SLC22A3: variants seen among roughly 807,000 people sequenced by gnomAD.
SLC22A3 encodes EMT organic cation transporter 3.
SLC22A3 carries 51 observed loss-of-function variants against 59.1 expected under a neutral mutation model. That is an observed-to-expected ratio of 0.86 (90% CI 0.69 to 1.09). The LOEUF is 1.09. SLC22A3 is among the 50% of genes least tolerant of loss of function. The pLI, the probability that SLC22A3 is intolerant of heterozygous loss-of-function variation, is 0.00. For synonymous variants in SLC22A3, 325 were observed against 292.0 expected (o/e 1.11, Z -1.15); for missense variants, 711 against 726.3 (o/e 0.98, Z 0.24).
intron 5 of SLC22A3, among the ~76,000 whole-genome samples, chr6:160,435,391 A>G (rs1278183089): frequency 6.6e-6 from 1 of 152,230 alleles, no homozygotes; most frequent in Non-Finnish European, 1.5e-5. Flanking sequence ...GACACCTTCC[A>G]ATTAAGAGAT....
intron 1 of SLC22A3, among the ~76,000 whole-genome samples, chr6:160,358,425 T>C (rs1784910214): frequency 6.6e-6 from 1 of 152,118 alleles, no homozygotes; most frequent in Non-Finnish European, 1.5e-5. Context: ...TTCAGGCAAA[T>C]GGCAAGCCCC....
At chr6:160,362,527 G>A (rs1785049031) in intron 1 of SLC22A3, among the ~76,000 whole-genome samples, 1 of 152,190 alleles carries the variant, frequency 6.6e-6, no homozygotes. Context: ...GTATGGTAGT[G>A]TCTCCATGTG....
chr6:160,434,679 T>C (rs996750155), intron 5 of SLC22A3, among the ~76,000 whole-genome samples: 1 of 152,184 alleles, frequency 6.6e-6, no homozygotes, highest in African/African-American at 2.4e-5. Context: ...GGAGTTCCTA[T>C]CTTTCACTTT....
intron 1 of SLC22A3, among the ~76,000 whole-genome samples, chr6:160,370,374 C>A (rs1207658843): frequency 6.6e-6 from 1 of 152,176 alleles, no homozygotes; most frequent in Non-Finnish European, 1.5e-5. Context: ...GTCTCCAGTC[C>A]AAACATGTGT....
Position 160,378,259 on chromosome 6 carries a change from C to T in SLC22A3, c.430-19720C>T, listed in dbSNP as rs143270433. ...AAGTTTAAAAAAGATACACATTAAA[C>T]TGGGAAAATACTAAATATTTAAATT... On this transcript the variant is annotated intron_variant, in intron 1 of 10. Coordinates refer to ENST00000275300, the MANE Select transcript of SLC22A3 (RefSeq NM_021977.4). Among the ~76,000 whole-genome samples the T allele has an allele frequency of 1.9e-3, 283 of 152,286 alleles. 1 individual carries two copies. The highest frequency in any genetic ancestry group is 3.6e-3 in the Non-Finnish European group (247 of 68,010).
intron 1 of SLC22A3, among the ~76,000 whole-genome samples, chr6:160,354,833 C>T (rs954234957): frequency 2.6e-5 from 4 of 151,998 alleles, no homozygotes; most frequent in Non-Finnish European, 4.4e-5. Flanking sequence ...CTGAGAATAC[C>T]GATACTTTCC....
intron 7 of SLC22A3, among the ~76,000 whole-genome samples, chr6:160,442,381 G>A (rs1788575694): frequency 6.6e-6 from 1 of 152,212 alleles, no homozygotes; most frequent in African/African-American, 2.4e-5. Context: ...GGCACCAGCT[G>A]TGGGAACGTG....
intron 9 of SLC22A3, among the ~76,000 whole-genome samples, chr6:160,445,837 C>G (rs1436312250): frequency 2.0e-5 from 3 of 152,158 alleles, no homozygotes; most frequent in African/African-American, 7.2e-5. Context: ...GGCTCTGTGT[C>G]CGCTGTGCAT....
At chr6:160,356,067 C>T (rs555123890) in intron 1 of SLC22A3, among the ~76,000 whole-genome samples, 119 of 152,336 alleles carry the variant, frequency 7.8e-4, no homozygotes, top group African/African-American at 2.8e-3. Context: ...GATTCCTTGG[C>T]ACGTGTAATG....
intron 4 of SLC22A3, among the ~76,000 whole-genome samples, 184 bp downstream of exon 4, chr6:160,409,105 TG>T (rs1787144742): frequency 3.0e-5 from 4 of 132,272 alleles, no homozygotes; most frequent in African/African-American, 1.2e-4. Flanking sequence ...TGTGCCACGC[TG>T]GTGCGCTGCA....
chr6:160,407,126 G>C lies in SLC22A3; in HGVS notation c.619G>C (p.Val207Leu), dbSNP rs749156322. 32 of 1,612,192 alleles carry C rather than the reference G, an allele frequency of 2.0e-5. No homozygotes were observed. Among genetic ancestry groups the C allele is most frequent in the African/African-American group, 2.7e-5 (2 of 74,844 alleles). ...VVVAFAPNFPVFVIFRFLQGV... is the reference protein window; with the variant it reads ...VVVAFAPNFPLFVIFRFLQGV... ...GGTGGCCTTTGCACCAAACTTCCCT[G>C]TGTTTGTGATCTTCCGCTTCCTGCA... is the stretch of plus-strand genomic sequence containing the variant. The change falls in exon 3 of 11, where the codon GTG becomes CTG. Residue 207 changes from valine to leucine, a missense_variant. Coordinates refer to ENST00000275300, the MANE Select transcript of SLC22A3 (RefSeq NM_021977.4).
intron 5 of SLC22A3, among the ~76,000 whole-genome samples, chr6:160,424,896 G>C (rs2114891036): frequency 6.6e-6 from 1 of 152,296 alleles, no homozygotes; most frequent in Non-Finnish European, 1.5e-5. Context: ...CACACGTTTT[G>C]ATTAGTATGT....
intron 2 of SLC22A3, among the ~76,000 whole-genome samples, 177 bp from the exon 3 acceptor site, chr6:160,406,864 T>A (rs1254685465): frequency 1.3e-5 from 2 of 152,288 alleles, no homozygotes; most frequent in East Asian, 3.9e-4. Context: ...TACTTTAAAT[T>A]TTGTAATTCC....
At position 160,348,794 on chromosome 6, in the gene SLC22A3, G is replaced by T; in HGVS notation, c.375G>T (p.Val125=). ...TCCCCAACCGCTCGGCTCCCCTTGT[G>T]CCGTGCCGCGGCGGCTGGCGCTACG... ...AAFPNRSAPL[V]PCRGGWRYAQ... is the part of the protein sequence containing the mutation. The change falls in exon 1 of 11, where the codon GTG becomes GTT. Residue 125 remains valine, a synonymous_variant. Coordinates refer to ENST00000275300, the MANE Select transcript of SLC22A3 (RefSeq NM_021977.4). The T allele has an allele frequency of 6.3e-7, 1 of 1,575,374 alleles. No homozygotes were observed. Among genetic ancestry groups the T allele is most frequent in the East Asian group, 2.3e-5 (1 of 43,508 alleles).
intron 5 of SLC22A3, among the ~76,000 whole-genome samples, chr6:160,417,934 G>C (rs1787566908): frequency 6.6e-6 from 1 of 152,232 alleles, no homozygotes. Context: ...GCCCCAGCCA[G>C]CCCACAAACA....
At chr6:160,448,602 G>A (rs1788836848) in intron 10 of SLC22A3, among the ~76,000 whole-genome samples, 1 of 151,934 alleles carries the variant, frequency 6.6e-6, no homozygotes, top group Non-Finnish European at 1.5e-5. Context: ...GTTTAAATAG[G>A]GTATAAGTAA....
intron 9 of SLC22A3, among the ~76,000 whole-genome samples, chr6:160,447,420 A>C (rs1303222750): frequency 6.6e-6 from 1 of 152,138 alleles, no homozygotes; most frequent in Non-Finnish European, 1.5e-5. Context: ...GTGATGCAGG[A>C]GAGGAGGCCT....
At chr6:160,385,546 C>T (rs1785968786) in intron 1 of SLC22A3, among the ~76,000 whole-genome samples, 1 of 152,162 alleles carries the variant, frequency 6.6e-6, no homozygotes, top group Non-Finnish European at 1.5e-5. Context: ...ACTGTCTGCC[C>T]CGTGGCCTCC....
At chr6:160,427,453 A>T (rs1390978575) in intron 5 of SLC22A3, among the ~76,000 whole-genome samples, 1 of 152,196 alleles carries the variant, frequency 6.6e-6, no homozygotes, top group Non-Finnish European at 1.5e-5. Context: ...CCCAGGCCCC[A>T]GCAGGAGACA....
Sources: allele counts gnomAD v4.1 joint callset (sites outside exome capture counted in the v4.1 genomes callset), GRCh38; gene constraint gnomAD v4.1.1; transcripts MANE v1.5; gene names NCBI Gene and HGNC (gene_info 2026-07-23, HGNC 2026-07-21).